The following SNX24 variants were observed in gnomAD, a reference collection of about 807,000 sequenced individuals.
The protein encoded by SNX24 is sorting nexin 24, also known as sorting nexin-24.
A neutral mutation model predicts 28.7 loss-of-function variants in SNX24; 22 were observed. The ratio of observed to expected loss-of-function variants is 0.77; its 90% CI spans 0.55 to 1.10. SNX24 has a LOEUF of 1.10. SNX24 is among the 50% of genes least tolerant of loss of function. SNX24 has a pLI of 0.00. For missense variants in SNX24, 221 were observed against 201.1 expected (o/e 1.10, Z -0.60); for synonymous variants, 69 against 71.5 (o/e 0.96, Z 0.18).
chr5:122,946,154 T>C lies in SNX24; in HGVS notation c.244T>C (p.Leu82=). 6.4e-7 allele frequency: 1 copy of C among 1,570,724 alleles called. No individual in the cohort carries two copies. Among genetic ancestry groups the C allele is most frequent in the Non-Finnish European group, 8.8e-7 (1 of 1,142,148 alleles). ...EQRRQGLETY[L]QAVILENEEL... is the part of the protein sequence containing the mutation. ...GCGACGACAAGGCTTGGAAACATAC[T>C]TACAGGTAAGATATGTTTAGATCCT... The change falls in exon 3 of 7, where the codon TTA becomes CTA. Residue 82 remains leucine, a synonymous_variant. Coordinates refer to ENST00000261369, the MANE Select transcript of SNX24 (RefSeq NM_014035.4).
At chr5:122,979,297 G>C (rs1486200438) in intron 3 of SNX24, among the ~76,000 whole-genome samples, 3 of 152,204 alleles carry the variant, frequency 2.0e-5, no homozygotes, top group Non-Finnish European at 4.4e-5. Context: ...CTTTCAATAA[G>C]GGAAGATGCA....
chr5:123,022,675 T>C (rs1284169651), intron 5 of SNX24: 1 of 152,236 alleles, frequency 6.6e-6, no homozygotes, highest in African/African-American at 2.4e-5. Context: ...ACAGTATAGA[T>C]ACCCCATCAG....
intron 2 of SNX24, among the ~76,000 whole-genome samples, chr5:122,941,123 C>G (rs976569699): frequency 5.3e-5 from 8 of 152,132 alleles, no homozygotes; most frequent in Non-Finnish European, 1.0e-4. Flanking sequence ...AACTCAATCC[C>G]CTTTTCCTTG....
At chr5:122,929,221 C>T (rs1365355489) in intron 1 of SNX24, among the ~76,000 whole-genome samples, 4 of 152,118 alleles carry the variant, frequency 2.6e-5, no homozygotes, top group African/African-American at 9.7e-5. Context: ...TGCTTCCGGC[C>T]TCTCACCTGC....
intron 3 of SNX24, among the ~76,000 whole-genome samples, chr5:122,955,083 G>T (rs1308015327): frequency 6.6e-6 from 1 of 150,918 alleles, no homozygotes; most frequent in Non-Finnish European, 1.5e-5. Context: ...TTTTCTCCAT[G>T]GTCAGGGTGG....
intron 1 of SNX24, among the ~76,000 whole-genome samples, chr5:122,917,041 G>C (rs1033555155): frequency 6.6e-6 from 1 of 152,130 alleles, no homozygotes; most frequent in Non-Finnish European, 1.5e-5. Flanking sequence ...GGCTGAGGGG[G>C]ACGGATCACG....
chr5:122,894,686 A>C (rs900946268), intron 1 of SNX24, among the ~76,000 whole-genome samples: 1 of 152,208 alleles, frequency 6.6e-6, no homozygotes, highest in Non-Finnish European at 1.5e-5. Context: ...AATAAGATAT[A>C]TTTTCTGCCC....
chr5:122,946,217 T>G, intron 3 of SNX24, 58 bp downstream of exon 3: 1 of 1,009,084 alleles, frequency 9.9e-7, no homozygotes, highest in South Asian at 1.5e-5. Flanking sequence ...GTCTTACCAC[T>G]TTTTCTCAGG....
intron 3 of SNX24, among the ~76,000 whole-genome samples, chr5:122,969,664 T>G (rs1275034933): frequency 6.6e-6 from 1 of 152,190 alleles, no homozygotes; most frequent in Non-Finnish European, 1.5e-5. Context: ...TCCACAGTAT[T>G]ATTCCGGAAA....
intron 1 of SNX24, among the ~76,000 whole-genome samples, chr5:122,932,749 C>T (rs918250614): frequency 6.7e-6 from 1 of 150,262 alleles, no homozygotes; most frequent in Non-Finnish European, 1.5e-5. Context: ...GTCCCAGCTT[C>T]TTGGGAAGCT....
At chr5:122,925,017 CCCTTCT>C (rs763386235) in intron 1 of SNX24, among the ~76,000 whole-genome samples, 8 of 148,708 alleles carry the variant, frequency 5.4e-5, no homozygotes, top group Non-Finnish European at 1.2e-4. Context: ...TCTTCCCCTC[CCCTTCT>C]CCTTCTCTCC....
At chr5:122,910,541 A>G (rs989579952) in intron 1 of SNX24, among the ~76,000 whole-genome samples, 9 of 151,450 alleles carry the variant, frequency 5.9e-5, no homozygotes, top group Non-Finnish European at 1.3e-4. Context: ...ATATGTATAC[A>G]TGTGCCATGC....
At chr5:122,976,564 G>A (rs1379176907) in intron 3 of SNX24, among the ~76,000 whole-genome samples, 1 of 152,190 alleles carries the variant, frequency 6.6e-6, no homozygotes, top group East Asian at 1.9e-4. Context: ...ACAAAAGGTT[G>A]CTAGTATCCC....
chr5:122,973,259 C>T (rs867632216), intron 3 of SNX24, among the ~76,000 whole-genome samples: 2 of 152,316 alleles, frequency 1.3e-5, no homozygotes, highest in Middle Eastern at 3.4e-3. Context: ...GGCTATAGCC[C>T]GTGAATCAGT....
intron 1 of SNX24, among the ~76,000 whole-genome samples, chr5:122,867,335 C>T (rs2150048359): frequency 6.6e-6 from 1 of 152,286 alleles, no homozygotes; most frequent in South Asian, 2.1e-4. Context: ...CTGGCAGAAG[C>T]ATTGTGTGCA....
chr5:122,853,957 A>G (rs1479893705), intron 1 of SNX24, among the ~76,000 whole-genome samples: 1 of 152,194 alleles, frequency 6.6e-6, no homozygotes, highest in Non-Finnish European at 1.5e-5. Flanking sequence ...TAAAAAACTA[A>G]TTTTGTTTTG....
At chr5:122,945,989 A>G (rs757594127) in intron 2 of SNX24, 66 bp from the exon 3 acceptor site, 2 of 794,780 alleles carry the variant, frequency 2.5e-6, no homozygotes, top group South Asian at 4.3e-5. Context: ...CCCAAATAAT[A>G]TCACTATAAT....
chr5:122,885,286 C>T (rs34379439), intron 1 of SNX24, among the ~76,000 whole-genome samples: 4,588 of 152,082 alleles, frequency 0.03, 79 homozygotes, highest in Non-Finnish European at 0.038. Context: ...CTCTGTGTTC[C>T]CTCTAGAGCA....
chr5:122,854,597 T>C (rs1308213909), intron 1 of SNX24, among the ~76,000 whole-genome samples: 1 of 151,198 alleles, frequency 6.6e-6, no homozygotes, highest in African/African-American at 2.4e-5. Context: ...TTGAAAAAAA[T>C]ATAAACACAT....
Sources: gnomAD v4.1 joint callset for allele counts (sites outside exome capture counted in the v4.1 genomes callset) on GRCh38, gnomAD v4.1.1 for gene constraint, MANE v1.5 for transcripts, NCBI Gene and HGNC (gene_info 2026-07-23, HGNC 2026-07-21) for gene names.